Variants in PACRG observed in about 807,000 individuals in gnomAD.
PACRG encodes the protein parkin coregulated gene protein.
Under a neutral mutation model 29.7 loss-of-function variants are expected in PACRG, and 29 were observed. The observed-to-expected ratio is 0.98, with a 90% CI of 0.73 to 1.33. PACRG has a LOEUF of 1.33. Among genes scored for constraint, PACRG ranks in the 40% most tolerant of loss-of-function variants. The pLI is 0.00. For synonymous variants in PACRG, 116 were observed against 118.7 expected (o/e 0.98, Z 0.15); for missense variants, 279 against 316.2 (o/e 0.88, Z 0.89).
intron 4 of PACRG, among the ~76,000 whole-genome samples, chr6:163,285,316 G>A (rs1585399755): frequency 1.3e-5 from 2 of 151,704 alleles, no homozygotes; most frequent in South Asian, 2.1e-4. Context: ...TTCCTTGTTC[G>A]TCCCTCCCGC....
At chr6:162,834,260 C>A (rs1789026074) in intron 2 of PACRG, among the ~76,000 whole-genome samples, 2 of 151,838 alleles carry the variant, frequency 1.3e-5, no homozygotes, top group African/African-American at 2.4e-5. Context: ...TGTACCTGTA[C>A]TAAAAAATTA....
chr6:162,810,875 A>G (rs1017533065), intron 1 of PACRG, among the ~76,000 whole-genome samples: 2 of 152,226 alleles, frequency 1.3e-5, no homozygotes, highest in African/African-American at 4.8e-5. Flanking sequence ...AGAAGTACTC[A>G]AAGAAATAAT....
intron 2 of PACRG, among the ~76,000 whole-genome samples, chr6:163,034,547 A>G (rs1807981145): frequency 6.6e-6 from 1 of 151,762 alleles, no homozygotes. Context: ...CTTAAGAGAG[A>G]CTCTAACTCC....
chr6:163,032,567 A>C (rs1807771243), intron 2 of PACRG, among the ~76,000 whole-genome samples: 2 of 152,398 alleles, frequency 1.3e-5, no homozygotes, highest in South Asian at 4.1e-4. Flanking sequence ...CACAATTATA[A>C]TTATTACTGA....
intron 2 of PACRG, among the ~76,000 whole-genome samples, chr6:163,011,471 G>A (rs1805609254): frequency 6.6e-6 from 1 of 152,134 alleles, no homozygotes; most frequent in South Asian, 2.1e-4. Flanking sequence ...ACCTATATAG[G>A]GCATTTGCCA....
At chr6:162,758,190 T>A (rs1049916405) in intron 1 of PACRG, among the ~76,000 whole-genome samples, 1 of 152,204 alleles carries the variant, frequency 6.6e-6, no homozygotes, top group Non-Finnish European at 1.5e-5. Flanking sequence ...CTGACAGCCG[T>A]GTAAGATTTT....
intron 2 of PACRG, among the ~76,000 whole-genome samples, chr6:162,947,474 TATATATAATC>T (rs1799199917): frequency 8.9e-6 from 1 of 112,494 alleles, no homozygotes; most frequent in South Asian, 2.6e-4. Context: ...ATATATAATA[TATATATAATC>T]ATATATATAC....
intron 4 of PACRG, among the ~76,000 whole-genome samples, chr6:163,258,787 A>G (rs2128174632): frequency 6.6e-6 from 1 of 152,052 alleles, no homozygotes; most frequent in South Asian, 2.1e-4. Flanking sequence ...GTCTCATATT[A>G]TAATGTTCGT....
chr6:163,028,321 T>C (rs1400280529), intron 2 of PACRG, among the ~76,000 whole-genome samples: 1 of 152,226 alleles, frequency 6.6e-6, no homozygotes, highest in African/African-American at 2.4e-5. Context: ...ACAGAAGGTC[T>C]CCAGGTACCT....
intron 4 of PACRG, among the ~76,000 whole-genome samples, chr6:163,247,761 C>A (rs567525739): frequency 3.3e-5 from 5 of 152,132 alleles, no homozygotes; most frequent in Admixed American, 6.5e-5. Flanking sequence ...CCTACTTCAC[C>A]GTCTACCTGC....
intron 2 of PACRG, among the ~76,000 whole-genome samples, chr6:163,032,824 G>C (rs1365437190): frequency 6.6e-6 from 1 of 152,122 alleles, no homozygotes; most frequent in African/African-American, 2.4e-5. Flanking sequence ...TGACCATAAG[G>C]TAAGATTCTT....
intron 2 of PACRG, among the ~76,000 whole-genome samples, chr6:163,059,630 G>T (rs1810927539): frequency 6.6e-6 from 1 of 152,172 alleles, no homozygotes; most frequent in South Asian, 2.1e-4. Context: ...GTGTCATATA[G>T]CCAGACTGCT....
At chr6:162,768,129 T>C (rs1323305410) in intron 1 of PACRG, among the ~76,000 whole-genome samples, 1 of 152,098 alleles carries the variant, frequency 6.6e-6, no homozygotes, top group African/African-American at 2.4e-5. Context: ...AAGAGCATGA[T>C]TTACCATTGC....
intron 4 of PACRG, among the ~76,000 whole-genome samples, chr6:163,275,308 G>A (rs576299760): frequency 9.9e-5 from 15 of 151,908 alleles, no homozygotes; most frequent in Non-Finnish European, 2.1e-4. Context: ...TTTGTTAGCA[G>A]CATCATTTCT....
chr6:163,046,652 CA>C (rs1468780955), intron 2 of PACRG: 1 of 152,080 alleles, frequency 6.6e-6, no homozygotes, highest in Non-Finnish European at 1.5e-5. Flanking sequence ...GACAGAGTGT[CA>C]TTGATTCATT....
chr6:163,244,993 C>T (rs1278398097), intron 4 of PACRG: 1 of 454,492 alleles, frequency 2.2e-6, no homozygotes, highest in East Asian at 7.0e-5. Flanking sequence ...GTGGGGAGGT[C>T]CAGACTTGCT....
chr6:163,044,944 T>C (rs766119071), intron 2 of PACRG, among the ~76,000 whole-genome samples: 1 of 152,242 alleles, frequency 6.6e-6, no homozygotes, highest in Non-Finnish European at 1.5e-5. Flanking sequence ...AATTAGATAA[T>C]CTGGTTGCTC....
intron 2 of PACRG, among the ~76,000 whole-genome samples, chr6:163,039,424 G>T (rs145975289): frequency 6.6e-6 from 1 of 152,214 alleles, no homozygotes; most frequent in African/African-American, 2.4e-5. Flanking sequence ...AAATATGGAA[G>T]TGACTTTGGA....
chr6:163,178,002 T>C (rs960031588), intron 4 of PACRG, among the ~76,000 whole-genome samples: 1 of 152,086 alleles, frequency 6.6e-6, no homozygotes, highest in African/African-American at 2.4e-5. Context: ...AACCTGGTCA[T>C]TGGCTGGGGA....
Sources: gnomAD v4.1 joint callset for allele counts (sites outside exome capture counted in the v4.1 genomes callset) on GRCh38, gnomAD v4.1.1 for gene constraint, MANE v1.5 for transcripts, NCBI Gene and HGNC (gene_info 2026-07-23, HGNC 2026-07-21) for gene names.